The following EML6 variants were observed in gnomAD, a reference collection of about 807,000 sequenced individuals.
EML6 encodes the protein echinoderm microtubule-associated protein-like 6.
In EML6, 154 loss-of-function variants were observed where a neutral mutation model predicts 240.1. The ratio of observed to expected loss-of-function variants is 0.64; its 90% CI spans 0.56 to 0.73. The LOEUF (loss-of-function observed/expected upper bound fraction) is 0.73, where lower values mean the gene tolerates loss of function less well. Ranked by LOEUF, EML6 falls within the 30% of genes least tolerant of loss-of-function variation. EML6 has a pLI of 0.00. For synonymous variants in EML6, 1,148 were observed against 899.0 expected (o/e 1.28, Z -4.95); for missense variants, 2,964 against 2,474.6 (o/e 1.20, Z -4.20).
intron 2 of EML6, among the ~76,000 whole-genome samples, chr2:54,779,387 T>A (rs1387005367): frequency 6.7e-6 from 1 of 148,760 alleles, no homozygotes; most frequent in African/African-American, 2.5e-5. Context: ...AAAAAAAAAA[T>A]ACAAAAAAAT....
intron 26 of EML6, among the ~76,000 whole-genome samples, chr2:54,919,246 C>G (rs35213851): frequency 2.9e-5 from 4 of 136,522 alleles, no homozygotes; most frequent in Non-Finnish European, 6.4e-5. Flanking sequence ...TTTGCTTCCC[C>G]CCCCCCCCAA....
intron 11 of EML6, among the ~76,000 whole-genome samples, chr2:54,855,458 G>T (rs1670322058): frequency 8.1e-6 from 1 of 124,102 alleles, no homozygotes; most frequent in Non-Finnish European, 1.7e-5. Context: ...CTTCTACCAT[G>T]CCCCCCCCCC....
intron 11 of EML6, among the ~76,000 whole-genome samples, chr2:54,856,008 T>C (rs1476516508): frequency 6.6e-6 from 1 of 152,254 alleles, no homozygotes; most frequent in Non-Finnish European, 1.5e-5. Flanking sequence ...TTGTTTTCCA[T>C]TGTGATTTTT....
intron 17 of EML6, among the ~76,000 whole-genome samples, chr2:54,889,825 C>G (rs939052160): frequency 1.3e-5 from 2 of 152,184 alleles, no homozygotes; most frequent in Admixed American, 6.5e-5. Context: ...TGGTAATTAT[C>G]CTGACTCTAT....
At chr2:54,926,369 T>G (rs996133641) in intron 26 of EML6, among the ~76,000 whole-genome samples, 7 of 152,260 alleles carry the variant, frequency 4.6e-5, no homozygotes, top group Non-Finnish European at 1.0e-4. Flanking sequence ...CCCAAAGTGC[T>G]GGGATTACAG....
chr2:54,961,504 T>C (rs1337486753), intron 35 of EML6, among the ~76,000 whole-genome samples: 1 of 151,594 alleles, frequency 6.6e-6, no homozygotes, highest in Non-Finnish European at 1.5e-5. Context: ...AGATTTTTGT[T>C]CAGTGGAAGG....
chr2:54,786,823 C>T (rs986718216), intron 2 of EML6, among the ~76,000 whole-genome samples: 1 of 152,242 alleles, frequency 6.6e-6, no homozygotes, highest in Non-Finnish European at 1.5e-5. Flanking sequence ...AATTCATTCC[C>T]ACACAGGTTC....
intron 25 of EML6, among the ~76,000 whole-genome samples, chr2:54,911,293 G>C (rs1295147780): frequency 6.6e-6 from 1 of 152,140 alleles, no homozygotes; most frequent in Non-Finnish European, 1.5e-5. Flanking sequence ...CAATGAATAA[G>C]CTAGCAATTT....
chr2:54,826,471 A>G (rs1435288904), intron 5 of EML6, among the ~76,000 whole-genome samples: 1 of 152,178 alleles, frequency 6.6e-6, no homozygotes, highest in East Asian at 1.9e-4. Context: ...GCGGAGGCAC[A>G]TGCCTGTAGT....
chr2:54,741,324 A>T (rs534258947), intron 2 of EML6, among the ~76,000 whole-genome samples: 69 of 152,320 alleles, frequency 4.5e-4, no homozygotes, highest in African/African-American at 1.6e-3. Flanking sequence ...ACTTAAACAA[A>T]AAAATTCAGA....
intron 17 of EML6, among the ~76,000 whole-genome samples, chr2:54,889,615 G>T (rs1398192381): frequency 6.6e-6 from 1 of 151,628 alleles, no homozygotes; most frequent in Non-Finnish European, 1.5e-5. Context: ...AAAGGTTATT[G>T]ATTTGGTATT....
chr2:54,905,676 C>A (rs1673291331), intron 24 of EML6, among the ~76,000 whole-genome samples: 1 of 152,168 alleles, frequency 6.6e-6, no homozygotes, highest in African/African-American at 2.4e-5. Flanking sequence ...ATGACATTCC[C>A]ATTAAATGAT....
At chr2:54,778,066 G>C (rs1468160556) in intron 2 of EML6, among the ~76,000 whole-genome samples, 1 of 152,152 alleles carries the variant, frequency 6.6e-6, no homozygotes, top group Admixed American at 6.5e-5. Flanking sequence ...ATAATGTCTT[G>C]ACTTTCTGTT....
intron 35 of EML6, among the ~76,000 whole-genome samples, chr2:54,961,142 A>C (rs1424787625): frequency 6.9e-6 from 1 of 144,572 alleles, no homozygotes; most frequent in Non-Finnish European, 1.5e-5. Flanking sequence ...ATGGGAGATG[A>C]AGGCAGGACT....
intron 2 of EML6, among the ~76,000 whole-genome samples, chr2:54,777,248 C>G (rs1668644369): frequency 6.6e-6 from 1 of 151,730 alleles, no homozygotes. Flanking sequence ...TTCTCACTGC[C>G]AGCAAATTAT....
chr2:54,744,264 G>A (rs1015018585), intron 2 of EML6, among the ~76,000 whole-genome samples: 2 of 152,162 alleles, frequency 1.3e-5, no homozygotes, highest in Non-Finnish European at 2.9e-5. Context: ...ACCCATAATG[G>A]TGGTAGCCTA....
intron 7 of EML6, among the ~76,000 whole-genome samples, chr2:54,838,151 G>A (rs1325949405): frequency 1.3e-5 from 2 of 152,198 alleles, no homozygotes. Context: ...TAAGACTCTA[G>A]GAAAGGCCCA....
intron 34 of EML6, among the ~76,000 whole-genome samples, chr2:54,959,986 A>G (rs539942393): frequency 1.3e-5 from 2 of 152,272 alleles, no homozygotes. Flanking sequence ...TTTCCTCCCA[A>G]GATAGTAGCA....
At chr2:54,900,573 C>G (rs376107102) in intron 22 of EML6, among the ~76,000 whole-genome samples, 1 of 152,186 alleles carries the variant, frequency 6.6e-6, no homozygotes, top group Non-Finnish European at 1.5e-5. Flanking sequence ...AGATGGCAGC[C>G]TGAGAGAAGC....
Sources: gnomAD v4.1 joint callset for allele counts (sites outside exome capture counted in the v4.1 genomes callset) on GRCh38, gnomAD v4.1.1 for gene constraint, MANE v1.5 for transcripts, NCBI Gene and HGNC (gene_info 2026-07-23, HGNC 2026-07-21) for gene names.